The following VDAC1 variants were observed in gnomAD, a reference collection of about 807,000 sequenced individuals.
The protein encoded by VDAC1 is non-selective voltage-gated ion channel VDAC1.
VDAC1 carries 10 observed loss-of-function variants against 34.7 expected under a neutral mutation model. The observed-to-expected ratio is 0.29, with a 90% CI of 0.18 to 0.49. VDAC1 has a LOEUF of 0.49. Among genes scored for constraint, VDAC1 ranks in the 20% least tolerant of loss-of-function variants. The pLI is 0.99. For missense variants in VDAC1, 230 were observed against 347.9 expected (o/e 0.66, Z 2.69); for synonymous variants, 130 against 136.0 (o/e 0.96, Z 0.30).
At position 133,976,580 on chromosome 5, in the gene VDAC1, C is replaced by T. The variant is rs116817144; in HGVS notation, c.552-559G>A. ...CTGTAATCCTAGCATTTTGGGAGGC[C>T]GAGGCAGCAGGACTGCTTGAGCCCA... On this transcript the variant is annotated intron_variant, in intron 6 of 8. Coordinates refer to ENST00000265333, the MANE Select transcript of VDAC1 (RefSeq NM_003374.3). 3.7e-3 allele frequency among the ~76,000 whole-genome samples: 565 copies of T among 151,072 alleles called. 6 individuals carry two copies. Among genetic ancestry groups the T allele is most frequent in the African/African-American group, 0.013 (525 of 41,122 alleles).
At chr5:134,066,980 G>A in the VDAC1 span, among the ~76,000 whole-genome samples, 25 of 152,060 alleles carry the variant, frequency 1.6e-4, no homozygotes, top group African/African-American at 5.3e-4. Context: ...AATAAATTTT[G>A]CCACATCTGC....
the VDAC1 span, among the ~76,000 whole-genome samples, chr5:134,071,041 G>A: frequency 2.0e-5 from 3 of 152,298 alleles, no homozygotes; most frequent in South Asian, 6.2e-4. The surrounding 1 kb of genome is among the most constrained non-coding windows in gnomAD (Gnocchi z 4.1). Flanking sequence ...TAGGGGTGGG[G>A]GCTCTGACGT....
the VDAC1 span, among the ~76,000 whole-genome samples, chr5:134,081,227 T>C: frequency 4.6e-5 from 7 of 152,254 alleles, no homozygotes; most frequent in East Asian, 7.7e-4. Flanking sequence ...TTAGTAGAGA[T>C]GGGGTTTCAC....
rs530169893 is a variant in VDAC1, at chr5:133,988,324, C to T, written c.323+2531G>A. 4.1e-3 allele frequency among the ~76,000 whole-genome samples: 625 copies of T among 151,554 alleles called. 5 individuals carry two copies. Among genetic ancestry groups the T allele is most frequent in the Non-Finnish European group, 7.2e-3 (488 of 67,930 alleles). On this transcript the variant is annotated intron_variant, in intron 5 of 8. Coordinates refer to ENST00000265333, the MANE Select transcript of VDAC1 (RefSeq NM_003374.3). ...AAAGGGGGGCAGGTGCAGTGGCTCA[C>T]GCCTGTAAACCCGGCACTTTGGGAG...
At chr5:134,071,004 G>C in the VDAC1 span, among the ~76,000 whole-genome samples, 1 of 152,188 alleles carries the variant, frequency 6.6e-6, no homozygotes, top group Non-Finnish European at 1.5e-5. This position sits in a 1 kb window ranked among gnomAD's most constrained non-coding sequence, Gnocchi z 4.1. Flanking sequence ...CTTCCCAGGG[G>C]CGTAAACCCC....
intron 1 of VDAC1, 128 bp from the exon 2 acceptor site, chr5:133,993,146 T>A: frequency 1.0e-6 from 1 of 978,528 alleles, no homozygotes; most frequent in Non-Finnish European, 1.5e-6. Context: ...CCAGGTAGCT[T>A]ATCCTCCCAG....
chr5:134,089,475 A>G, the VDAC1 span, among the ~76,000 whole-genome samples: 1 of 152,242 alleles, frequency 6.6e-6, no homozygotes, highest in African/African-American at 2.4e-5. Context: ...TAGAAATTAC[A>G]GCTCGCCATC....
chr5:134,055,363 A>T, the VDAC1 span, among the ~76,000 whole-genome samples: 2 of 152,112 alleles, frequency 1.3e-5, no homozygotes, highest in Non-Finnish European at 2.9e-5. Context: ...GCACAAATAC[A>T]TGTACATGCA....
At chr5:133,980,688 A>AGG in intron 6 of VDAC1, 41 bp downstream of exon 6, 1 of 612,638 alleles carries the variant, frequency 1.6e-6, no homozygotes. Flanking sequence ...CACATGCTCC[A>AGG]ACCCCACCCC....
At chr5:134,104,928 G>C in the VDAC1 span, among the ~76,000 whole-genome samples, 2 of 152,164 alleles carry the variant, frequency 1.3e-5, no homozygotes, top group African/African-American at 2.4e-5. Context: ...GGGGCAGGGG[G>C]TCCCAAGCGG....
the VDAC1 span, among the ~76,000 whole-genome samples, chr5:134,033,731 G>A: frequency 3.3e-5 from 5 of 151,082 alleles, no homozygotes; most frequent in African/African-American, 4.8e-5. Flanking sequence ...GATGGCTCAC[G>A]CCTGTAATCC....
the VDAC1 span, among the ~76,000 whole-genome samples, chr5:134,055,588 G>GTTTTTTTTTTTTT: frequency 5.0e-5 from 3 of 59,616 alleles, no homozygotes; most frequent in African/African-American, 7.2e-5. Context: ...CCCCGCTAAT[G>GTTTTTTTTTTTTT]TTTTTTTTTT....
chr5:134,057,689 GAA>G, the VDAC1 span, among the ~76,000 whole-genome samples: 86 of 132,024 alleles, frequency 6.5e-4, no homozygotes, highest in Admixed American at 1.7e-3. Context: ...AACTCCATCT[GAA>G]AAAAAAAAAA....
chr5:134,048,446 T>C, the VDAC1 span, among the ~76,000 whole-genome samples: 3 of 151,768 alleles, frequency 2.0e-5, no homozygotes, highest in African/African-American at 7.3e-5. Flanking sequence ...TTTGTATTTT[T>C]AGTAGAGATA....
intron 6 of VDAC1, among the ~76,000 whole-genome samples, chr5:133,976,936 TG>T (rs746644047): frequency 6.6e-6 from 1 of 151,744 alleles, no homozygotes; most frequent in Non-Finnish European, 1.5e-5. Flanking sequence ...CCCAGCAACC[TG>T]GGGGGGTGAG....
At chr5:134,097,618 T>TG in the VDAC1 span, among the ~76,000 whole-genome samples, 1 of 152,168 alleles carries the variant, frequency 6.6e-6, no homozygotes, top group Non-Finnish European at 1.5e-5. Flanking sequence ...TTTCAATGGC[T>TG]GGAAGGTGCT....
the VDAC1 span, among the ~76,000 whole-genome samples, chr5:134,101,387 C>T: frequency 5.3e-5 from 8 of 152,086 alleles, no homozygotes; most frequent in African/African-American, 1.9e-4. Flanking sequence ...GTCAGTAGTT[C>T]GAGACCAGCC....
the VDAC1 span, among the ~76,000 whole-genome samples, chr5:134,054,571 C>T: frequency 0.1 from 15,665 of 150,906 alleles, 1,003 homozygotes; most frequent in East Asian, 0.28. Flanking sequence ...AGCAATTCTC[C>T]CCCTCAGCCT....
At chr5:134,016,550 C>T in the VDAC1 span, among the ~76,000 whole-genome samples, 9 of 152,200 alleles carry the variant, frequency 5.9e-5, no homozygotes, top group South Asian at 2.1e-4. Context: ...ATGGAGCTGT[C>T]GCTTCCACTT....
Sources: allele counts gnomAD v4.1 joint callset (sites outside exome capture counted in the v4.1 genomes callset), GRCh38; gene constraint gnomAD v4.1.1; non-coding constraint Gnocchi (gnomAD v3.1); transcripts MANE v1.5; gene names NCBI Gene and HGNC (gene_info 2026-07-23, HGNC 2026-07-21).